The following TMX1 variants were observed in gnomAD, a reference collection of about 807,000 sequenced individuals.
TMX1 encodes thioredoxin related transmembrane protein 1.
Under a neutral mutation model 36.6 loss-of-function variants are expected in TMX1, and 25 were observed. The ratio of observed to expected loss-of-function variants is 0.68; its 90% CI spans 0.50 to 0.95. TMX1 has a LOEUF of 0.95. Ranked by LOEUF, TMX1 falls within the 40% of genes least tolerant of loss-of-function variation. TMX1 has a pLI of 0.00. For missense variants in TMX1, 347 were observed against 339.6 expected (o/e 1.02, Z -0.17); for synonymous variants, 133 against 118.0 (o/e 1.13, Z -0.82).
At chr14:51,247,907 C>T (rs931192250) in intron 4 of TMX1, among the ~76,000 whole-genome samples, 1 of 152,154 alleles carries the variant, frequency 6.6e-6, no homozygotes, top group African/African-American at 2.4e-5. Flanking sequence ...TACCTCCAGA[C>T]TTCAATTTGT....
In TMX1 at chr14:51,254,409, G is replaced by C; in HGVS notation, c.733G>C (p.Asp245His). 6.2e-7 allele frequency: 1 copy of C among 1,612,266 alleles called. No individual in the cohort carries two copies. The highest frequency in any genetic ancestry group is 8.5e-7 in the Non-Finnish European group (1 of 1,179,034). ...VEEEQEADEE[D>H]VSEEEAESKE... ...GGAGGAACAAGAGGCGGATGAAGAA[G>C]ATGTTTCAGAAGAAGAAGCTGAAAG... The change falls in exon 8 of 8, where the codon GAT (aspartate) becomes CAT (histidine). Residue 245 changes from aspartate (D) to histidine (H), a missense_variant. Coordinates refer to ENST00000457354, the MANE Select transcript of TMX1 (RefSeq NM_030755.5).
At position 51,247,163 on chromosome 14, in the gene TMX1, A is replaced by T. The variant is rs1274880947; in HGVS notation, c.386A>T (p.Asp129Val). ...TKKDFINFISDKEWKSIEPVS... is the reference protein window; with the variant it reads ...TKKDFINFISVKEWKSIEPVS... The stretch of plus-strand genomic sequence containing the variant: ...AAGGACTTCATAAACTTTATAAGTG[A>T]TAAAGAGTGGAAGAGTATTGAGCCC... The change falls in exon 4 of 8, where the codon GAT becomes GTT. Residue 129 changes from aspartate (D) to valine (V), a missense_variant. Transcript: ENST00000457354. 5.6e-6 allele frequency: 9 copies of T among 1,613,532 alleles called. No homozygotes were observed. The highest frequency in any genetic ancestry group is 6.8e-6 in the Non-Finnish European group (8 of 1,179,778).
At position 51,249,739 on chromosome 14, in the gene TMX1, G is replaced by A; in HGVS notation, c.638G>A (p.Arg213Lys). 6.2e-7 allele frequency: 1 copy of A among 1,613,246 alleles called. No homozygotes were observed. The highest frequency in any genetic ancestry group is 8.5e-7 in the Non-Finnish European group (1 of 1,179,466). Residue 213 changes from arginine to lysine, a missense_variant, in exon 7 of 8, where the codon AGA (arginine) becomes AAA (lysine). Arg to Lys is a conservative substitution (Grantham distance 26, BLOSUM62 2). Coordinates refer to ENST00000457354, the MANE Select transcript of TMX1 (RefSeq NM_030755.5). ...ADCLCPSKRR[R>K]PQPYPYPSKK... is the part of the protein sequence containing the mutation. Reference sequence around the variant, plus strand: ...TGCCTTTGTCCTTCAAAAAGGCGCAGACCACAGCCGTACCCATACCCTTCA... The same window carrying A: ...TGCCTTTGTCCTTCAAAAAGGCGCAAACCACAGCCGTACCCATACCCTTCA...
intron 2 of TMX1, among the ~76,000 whole-genome samples, chr14:51,244,541 C>T (rs1006556108): frequency 2.0e-5 from 3 of 152,076 alleles, no homozygotes; most frequent in Non-Finnish European, 4.4e-5. Context: ...GTCAAGTGCA[C>T]TCCTGACTTG....
chr14:51,240,317 G>C lies in TMX1; in HGVS notation c.25G>C (p.Val9Leu). Residue 9 changes from valine (V) to leucine (L), a missense_variant, in exon 1 of 8, where the codon GTT (valine) becomes CTT (leucine). Coordinates refer to ENST00000457354, the MANE Select transcript of TMX1 (RefSeq NM_030755.5). MAPSGSLAVPLAVLVLLLW... is the reference protein window; with the variant it reads MAPSGSLALPLAVLVLLLW... ...AATGGCGCCCTCCGGGAGTCTTGCAGTTCCCCTGGCAGTCCTGGTGCTGTT... is the reference window on the plus strand; with the variant it reads ...AATGGCGCCCTCCGGGAGTCTTGCACTTCCCCTGGCAGTCCTGGTGCTGTT... 1 of 1,612,980 alleles carries C rather than the reference G, an allele frequency of 6.2e-7. No homozygotes were observed. The highest frequency in any genetic ancestry group is 8.5e-7 in the Non-Finnish European group (1 of 1,179,950).
Position 51,254,792 on chromosome 14 carries a change from C to G in TMX1, c.*273C>G. 4.2e-6 allele frequency: 1 copy of G among 235,820 alleles called. No homozygotes were observed. Among genetic ancestry groups the G allele is most frequent in the South Asian group, 1.7e-4 (1 of 5,772 alleles). The allele number at this position is 235,820 out of a possible 1,614,324, so 14.6% of individuals were successfully genotyped here. ...TTATGTATATTTGTTTAATAATAAC[C>G]TATTTCAAGTCTGAGTTTTGAAAAT... On this transcript the variant is annotated 3_prime_UTR_variant, in exon 8 of 8. Transcript: ENST00000457354.
chr14:51,254,687 A>G lies in TMX1; in HGVS notation c.*168A>G. 1 of 551,630 alleles carries G rather than the reference A, an allele frequency of 1.8e-6. No homozygotes were observed. The highest frequency in any genetic ancestry group is 4.9e-4 in the Middle Eastern group (1 of 2,060). The allele number at this position is 551,630 out of a possible 1,614,324, so 34.2% of individuals were successfully genotyped here. On this transcript the variant is annotated 3_prime_UTR_variant, in exon 8 of 8. Transcript: ENST00000457354. The stretch of plus-strand genomic sequence containing the variant: ...AGAACATAAAAGCACTAGGTATACA[A>G]GTTTGAAATATGATTTAAGCACAGT...
intron 3 of TMX1, 105 bp from the exon 4 acceptor site, chr14:51,246,987 G>A (rs549087453): frequency 2.2e-4 from 230 of 1,030,550 alleles, no homozygotes; most frequent in Admixed American, 3.5e-4. Context: ...CATTGCTAAT[G>A]CTTTTGAATG....
intron 3 of TMX1, chr14:51,245,579 G>A (rs991572402): frequency 2.6e-6 from 3 of 1,158,478 alleles, no homozygotes; most frequent in African/African-American, 1.5e-5. Flanking sequence ...CAGTTGTTTT[G>A]GAAAGTGATG....
intron 3 of TMX1, 131 bp from the exon 4 acceptor site, chr14:51,246,961 G>A: frequency 1.4e-6 from 1 of 699,060 alleles, no homozygotes; most frequent in Non-Finnish European, 2.1e-6. Context: ...AGTATAATTT[G>A]CTATTAATAC....
At chr14:51,249,248 AT>A (rs2065799962) in intron 4 of TMX1, 77 bp from the exon 5 acceptor site, 1 of 1,219,976 alleles carries the variant, frequency 8.2e-7, no homozygotes, top group South Asian at 1.5e-5. Context: ...TATTGGGGAA[AT>A]TATAGAGTAG....
At chr14:51,246,485 A>C (rs1285223284) in intron 3 of TMX1, among the ~76,000 whole-genome samples, 2 of 152,114 alleles carry the variant, frequency 1.3e-5, no homozygotes, top group African/African-American at 4.8e-5. Context: ...TTTGCACTTA[A>C]AGATGTTGGA....
At chr14:51,254,263 G>T in intron 7 of TMX1, 78 bp from the exon 8 acceptor site, 12 of 1,333,272 alleles carry the variant, frequency 9.0e-6, no homozygotes, top group Non-Finnish European at 1.2e-5. Flanking sequence ...TGGGGCATAT[G>T]AGACATTGTA....
intron 2 of TMX1, among the ~76,000 whole-genome samples, chr14:51,244,919 C>A (rs574680491): frequency 6.6e-6 from 1 of 152,216 alleles, no homozygotes; most frequent in South Asian, 2.1e-4. Flanking sequence ...TTAGCAGCAC[C>A]ATAAACTGCC....
chr14:51,240,291 A>G lies in TMX1; in HGVS notation c.-2A>G. ...CTCCCTGTGAGGTGGGCAAGCGGCG[A>G]AATGGCGCCCTCCGGGAGTCTTGCA... is the stretch of plus-strand genomic sequence containing the variant. On this transcript the variant is annotated 5_prime_UTR_variant, in exon 1 of 8. Coordinates refer to ENST00000457354, the MANE Select transcript of TMX1 (RefSeq NM_030755.5). The G allele has an allele frequency of 1.9e-6, 3 of 1,609,812 alleles. No homozygotes were observed. Among genetic ancestry groups the G allele is most frequent in the Non-Finnish European group, 1.7e-6 (2 of 1,179,482 alleles).
At chr14:51,247,242 C>T (rs200263597) in intron 4 of TMX1, 22 bp downstream of exon 4, 106 of 1,592,656 alleles carry the variant, frequency 6.7e-5, no homozygotes, top group Non-Finnish European at 7.8e-5. Flanking sequence ...GGCTTTTTCT[C>T]TTACCCATTT....
At chr14:51,243,703 G>C (rs1370683144) in intron 1 of TMX1, among the ~76,000 whole-genome samples, 153 bp from the exon 2 acceptor site, 1 of 152,092 alleles carries the variant, frequency 6.6e-6, no homozygotes, top group African/African-American at 2.4e-5. Context: ...ACCCTTAAAA[G>C]TTTTTCATCT....
Position 51,257,401 on chromosome 14 carries a change from C to A in TMX1, c.*2882C>A, listed in dbSNP as rs536240503. 5 of 152,116 alleles carry A rather than the reference C, an allele frequency of 3.3e-5. No homozygotes were observed. The highest frequency in any genetic ancestry group is 1.2e-4 in the African/African-American group (5 of 41,504). The allele number at this position is 152,116 out of a possible 1,614,324, so 9.4% of individuals were successfully genotyped here. ...TATTTTATGACATTGTAGTTCATCC[C>A]CATGGTCAATTTAAGGTAGAGTTCT... On this transcript the variant is annotated 3_prime_UTR_variant, in exon 8 of 8. Transcript: ENST00000457354.
chr14:51,249,366 A>G lies in TMX1; in HGVS notation c.484A>G (p.Ile162Val). 6.2e-7 allele frequency: 1 copy of G among 1,608,272 alleles called. No individual in the cohort carries two copies. Residue 162 changes from isoleucine to valine, a missense_variant, in exon 5 of 8, where the codon ATC becomes GTC. Ile to Val is a conservative substitution (Grantham distance 29, BLOSUM62 3). Transcript: ENST00000457354. ...MSALFQLSMW[I>V]RTCHNYFIED... Reference sequence around the variant, plus strand: ...AGCACTCTTTCAGCTATCTATGTGGATCAGGGTATGGACTAAAATATTTTT... The same window carrying G: ...AGCACTCTTTCAGCTATCTATGTGGGTCAGGGTATGGACTAAAATATTTTT...
Sources: gnomAD v4.1 joint callset for allele counts (sites outside exome capture counted in the v4.1 genomes callset) on GRCh38, gnomAD v4.1.1 for gene constraint, MANE v1.5 for transcripts, NCBI Gene and HGNC (gene_info 2026-07-23, HGNC 2026-07-21) for gene names.